Variants in PCDHGB3 observed in about 807,000 individuals in gnomAD.
PCDHGB3 encodes the protein protocadherin gamma-B3.
PCDHGB3 carries 40 observed loss-of-function variants against 59.2 expected under a neutral mutation model. The observed-to-expected ratio is 0.68, with a 90% CI of 0.52 to 0.88. PCDHGB3 has a LOEUF of 0.88. PCDHGB3 is among the 40% of genes least tolerant of loss of function. The pLI is 0.00. For missense variants in PCDHGB3, 1,309 were observed against 1,187.9 expected (o/e 1.10, Z -1.50); for synonymous variants, 581 against 503.6 (o/e 1.15, Z -2.06).
chr5:141,415,289 C>T (rs1413039067), intron 1 of PCDHGB3: 11 of 1,614,088 alleles, frequency 6.8e-6, no homozygotes, highest in African/African-American at 1.3e-5. Flanking sequence ...GCCGCGGTCT[C>T]CTGCGTCTTC....
chr5:141,370,800 A>G lies in PCDHGB3; in HGVS notation c.406A>G (p.Asn136Asp), dbSNP rs1767214052. 6.2e-7 allele frequency: 1 copy of G among 1,614,026 alleles called. No individual in the cohort carries two copies. The highest frequency in any genetic ancestry group is 1.3e-5 in the African/African-American group (1 of 75,052). ...INDNPPTFSQNITELEISELA... is the reference protein window; with the variant it reads ...INDNPPTFSQDITELEISELA... ...CGACAACCCACCGACCTTTAGCCAA[A>G]ATATCACTGAGCTGGAAATCAGCGA... The change falls in exon 1 of 4, where the codon AAT becomes GAT. Residue 136 changes from asparagine to aspartate, a missense_variant. Coordinates refer to ENST00000576222, the MANE Select transcript of PCDHGB3 (RefSeq NM_018924.5).
intron 1 of PCDHGB3, among the ~76,000 whole-genome samples, chr5:141,450,814 A>C (rs990515429): frequency 1.5e-5 from 2 of 136,790 alleles, no homozygotes; most frequent in Non-Finnish European, 3.1e-5. Context: ...TTATTTATTT[A>C]ATATTATTAT....
intron 1 of PCDHGB3, chr5:141,415,314 C>G (rs375384840): frequency 1.9e-6 from 3 of 1,614,238 alleles, no homozygotes; most frequent in South Asian, 1.1e-5. Context: ...CCTTCGTCAT[C>G]GTGCTGCTGG....
At chr5:141,457,167 C>T (rs1465212183) in intron 1 of PCDHGB3, among the ~76,000 whole-genome samples, 1 of 152,114 alleles carries the variant, frequency 6.6e-6, no homozygotes, top group East Asian at 1.9e-4. Context: ...CATGGATAAC[C>T]CTATTGCAAA....
At chr5:141,446,595 GCCTCC>G (rs2098508132) in intron 1 of PCDHGB3, among the ~76,000 whole-genome samples, 2 of 152,012 alleles carry the variant, frequency 1.3e-5, no homozygotes, top group South Asian at 4.1e-4. Context: ...TTCTGCCTCA[GCCTCC>G]TGAGTAGCTG....
chr5:141,405,149 G>T (rs1469979881), intron 1 of PCDHGB3: 4 of 1,614,038 alleles, frequency 2.5e-6, no homozygotes, highest in Non-Finnish European at 3.4e-6. Context: ...TGATGGGTTG[G>T]CTGGTGTGCC....
In PCDHGB3 at chr5:141,384,194, T is replaced by A. The variant is rs763395046; in HGVS notation, c.2415+11385T>A. 4.3e-6 allele frequency: 7 copies of A among 1,613,674 alleles called. No homozygotes were observed. In the East Asian group the frequency reaches 1.3e-4, roughly 31 times the overall value. ...GCCACAGATGGTGGAACTCCTCCCT[T>A]GTCCAGGGAAACTCACATATTCATG... On this transcript the variant is annotated intron_variant, in intron 1 of 3. Transcript: ENST00000576222.
intron 1 of PCDHGB3, chr5:141,410,718 TA>T: frequency 7.1e-7 from 1 of 1,402,688 alleles, no homozygotes; most frequent in Non-Finnish European, 9.6e-7. Context: ...ATCATATGTT[TA>T]AAATCCATAG....
chr5:141,398,787 A>T, intron 1 of PCDHGB3: 1 of 1,613,902 alleles, frequency 6.2e-7, no homozygotes, highest in African/African-American at 1.3e-5. Flanking sequence ...GTGGACATCC[A>T]CCCCTAAGCG....
intron 1 of PCDHGB3, chr5:141,374,414 G>A: frequency 1.9e-6 from 3 of 1,614,026 alleles, no homozygotes; most frequent in Non-Finnish European, 1.7e-6. Context: ...CATCCTTGTC[G>A]AGGATAAACT....
At chr5:141,389,542 G>C in intron 1 of PCDHGB3, 1 of 1,613,198 alleles carries the variant, frequency 6.2e-7, no homozygotes, top group Non-Finnish European at 8.5e-7. Flanking sequence ...GTGGACGACC[G>C]CAACGACAAT....
Position 141,410,620 on chromosome 5 carries a change from G to A in PCDHGB3, c.2415+37811G>A, listed in dbSNP as rs765125633. 4 of 1,603,524 alleles carry A rather than the reference G, an allele frequency of 2.5e-6. No homozygotes were observed. In the South Asian group the frequency reaches 3.3e-5, roughly 13 times the overall value. On this transcript the variant is annotated intron_variant, in intron 1 of 3. Coordinates refer to ENST00000576222, the MANE Select transcript of PCDHGB3 (RefSeq NM_018924.5). The stretch of plus-strand genomic sequence containing the variant: ...CTTCACATCCTGAGACTCTGACTTC[G>A]GTGAGTTTCTCTTTTTTGTGTGTGA...
rs983998465 is a variant in PCDHGB3 at position 141,494,817 on chromosome 5, C to T, written c.2426C>T (p.Pro809Leu). ...NSGNLQKQAP[P>L]NTDWRFSQAQ... ...CTGTTTTCTCCACAGCAAGCCCCGC[C>T]CAACACGGACTGGCGTTTCTCTCAG... The change falls in exon 2 of 4, where the codon CCC becomes CTC. Residue 809 changes from proline to leucine, a missense_variant. Transcript: ENST00000576222. 1.2e-6 allele frequency: 2 copies of T among 1,614,016 alleles called. No individual in the cohort carries two copies. Among genetic ancestry groups the T allele is most frequent in the Non-Finnish European group, 1.7e-6 (2 of 1,180,026 alleles).
intron 1 of PCDHGB3, among the ~76,000 whole-genome samples, chr5:141,471,744 A>G (rs2099263733): frequency 6.6e-6 from 1 of 152,208 alleles, no homozygotes; most frequent in South Asian, 2.1e-4. Context: ...GAGACATAAC[A>G]TATTTGAGGG....
intron 1 of PCDHGB3, chr5:141,422,846 A>T: frequency 2.5e-6 from 4 of 1,614,102 alleles, no homozygotes; most frequent in Non-Finnish European, 3.4e-6. Flanking sequence ...GACAGCGGGG[A>T]CCCGCCCCTC....
chr5:141,469,697 T>G (rs2154570403), intron 1 of PCDHGB3, among the ~76,000 whole-genome samples: 1 of 152,392 alleles, frequency 6.6e-6, no homozygotes, highest in African/African-American at 2.4e-5. Context: ...TCCTATGACC[T>G]AGTAATCACA....
chr5:141,493,935 C>T lies in PCDHGB3; in HGVS notation c.2416-872C>T, dbSNP rs1317863228. Among the ~76,000 whole-genome samples the T allele has an allele frequency of 6.6e-6, 1 of 152,158 alleles. No homozygotes were observed. Among genetic ancestry groups the T allele is most frequent in the Non-Finnish European group, 1.5e-5 (1 of 68,020 alleles). On this transcript the variant is annotated intron_variant, in intron 1 of 3. Coordinates refer to ENST00000576222, the MANE Select transcript of PCDHGB3 (RefSeq NM_018924.5). This position sits in a 1 kb window ranked among gnomAD's most constrained non-coding sequence, Gnocchi z 4.3. Reference sequence around the variant, plus strand: ...TGGGATAACACACCCCCTGGAAAGACCAGAAGGGACTCAGGAATGAAGTGG... The same window carrying T: ...TGGGATAACACACCCCCTGGAAAGATCAGAAGGGACTCAGGAATGAAGTGG...
At chr5:141,413,812 C>T in intron 1 of PCDHGB3, 2 of 1,613,144 alleles carry the variant, frequency 1.2e-6, no homozygotes, top group Non-Finnish European at 1.7e-6. Flanking sequence ...GGCCATTCAC[C>T]ACCTGGTCCT....
chr5:141,467,321 G>A (rs2099141786), intron 1 of PCDHGB3, among the ~76,000 whole-genome samples: 2 of 152,024 alleles, frequency 1.3e-5, no homozygotes, highest in East Asian at 1.9e-4. Context: ...CCACAGTGCT[G>A]GGATTAGAGA....
Sources: allele counts gnomAD v4.1 joint callset (sites outside exome capture counted in the v4.1 genomes callset), GRCh38; gene constraint gnomAD v4.1.1; non-coding constraint Gnocchi (gnomAD v3.1); transcripts MANE v1.5; gene names NCBI Gene and HGNC (gene_info 2026-07-23, HGNC 2026-07-21).